The following DMD variants were observed in gnomAD, a reference collection of about 807,000 sequenced individuals.
DMD encodes the protein mutant dystrophin.
In DMD, 63 loss-of-function variants were observed where a neutral mutation model predicts 330.1. The observed-to-expected ratio is 0.19, with a 90% CI of 0.16 to 0.24. The LOEUF (loss-of-function observed/expected upper bound fraction) is 0.24. Ranked by LOEUF, DMD falls within the 10% of genes least tolerant of loss-of-function variation. The probability of loss-of-function intolerance (pLI) is 1.00; values close to 1 mark genes in which losing one functional copy is unlikely to be tolerated. For synonymous variants in DMD, 1,223 were observed against 959.8 expected, an observed-to-expected ratio of 1.27 and a Z score of -5.07; for missense variants, 3,344 against 2,684.1, an observed-to-expected ratio of 1.25 and a Z score of -5.43.
chrX:32,394,932 AAG>A (rs1431866060), intron 30 of DMD, among the ~76,000 whole-genome samples: 1 of 89,641 alleles, frequency 1.1e-5, no homozygotes, highest in Non-Finnish European at 2.2e-5. Flanking sequence ...AAAAAAAAAA[AAG>A]AAAAGAAATC....
At chrX:31,228,272 AAAT>A (rs2046856361) in intron 63 of DMD, among the ~76,000 whole-genome samples, 1 of 66,216 alleles carries the variant, frequency 1.5e-5, no homozygotes, top group African/African-American at 1.1e-4. Flanking sequence ...AAAAATAAAA[AAAT>A]AAAAAAAAAA....
chrX:32,243,320 G>C (rs1416246159), intron 43 of DMD, among the ~76,000 whole-genome samples: 1 of 111,530 alleles, frequency 9.0e-6, no homozygotes, highest in African/African-American at 3.3e-5. Flanking sequence ...GGTTTCACAT[G>C]ATGCTACAGT....
At chrX:32,512,798 G>C (rs1436406709) in intron 18 of DMD, among the ~76,000 whole-genome samples, 1 of 111,979 alleles carries the variant, frequency 8.9e-6, no homozygotes, top group Non-Finnish European at 1.9e-5. Flanking sequence ...CTATGGGGCT[G>C]TCTCTAAGAG....
intron 1 of DMD, among the ~76,000 whole-genome samples, chrX:33,027,325 G>A (rs1313153836): frequency 1.8e-5 from 2 of 111,675 alleles, no homozygotes; most frequent in African/African-American, 6.5e-5. Flanking sequence ...GCCAAATAAC[G>A]TGGGAATTCT....
chrX:32,783,549 T>C (rs987018328), intron 7 of DMD, among the ~76,000 whole-genome samples: 1 of 110,208 alleles, frequency 9.1e-6, no homozygotes, highest in South Asian at 3.8e-4. Context: ...AAGTAATCTG[T>C]ACTCAGAGCC....
intron 44 of DMD, among the ~76,000 whole-genome samples, chrX:32,047,353 C>G (rs1369667368): frequency 9.0e-6 from 1 of 111,239 alleles, no homozygotes; most frequent in Non-Finnish European, 1.9e-5. Context: ...AATACATTAT[C>G]TCTCCCATCC....
chrX:33,332,671 T>G (rs1358798940), intron 1 of DMD, among the ~76,000 whole-genome samples: 3 of 111,701 alleles, frequency 2.7e-5, no homozygotes, highest in Non-Finnish European at 5.7e-5. Flanking sequence ...ACAATTCAAA[T>G]GTGATGTGTC....
Position 32,472,226 on chromosome X carries a change from A to G in DMD, c.2887T>C (p.Ser963Pro), listed in dbSNP as rs1487164655. 1 of 1,209,124 alleles carries G rather than the reference A, an allele frequency of 8.3e-7. No homozygotes were observed. The highest frequency in any genetic ancestry group is 1.1e-6 in the Non-Finnish European group (1 of 894,663). ...TWVQQSETKL[S>P]IPQLSVTDYE... ...TCGGTGACACTAAGTTGAGGTATGG[A>G]GAGTTTGGTTTCTGACTGCTGGACC... Residue 963 changes from serine to proline, a missense_variant, in exon 22 of 79, where the codon TCC (serine) becomes CCC (proline). Coordinates refer to ENST00000357033, the MANE Select transcript of DMD (RefSeq NM_004006.3).
intron 11 of DMD, among the ~76,000 whole-genome samples, chrX:32,623,526 GTAT>G (rs2058138032): frequency 9.6e-6 from 1 of 104,412 alleles, no homozygotes; most frequent in Non-Finnish European, 2.0e-5. Flanking sequence ...TATAATACTA[GTAT>G]TTTTTTTTTT....
Position 32,969,385 on chromosome X carries a change from T to C in DMD, c.93+50754A>G, listed in dbSNP as rs192604144. ...TATTTTATACATACATATATGCATG[T>C]ATACATACATATACATAAAACATGT... On this transcript the variant is annotated intron_variant, in intron 2 of 78. Transcript: ENST00000357033. 4.3e-3 allele frequency among the ~76,000 whole-genome samples: 400 copies of C among 93,062 alleles called. 40 individuals carry two copies. Among genetic ancestry groups the C allele is most frequent in the Non-Finnish European group, 6.5e-3 (321 of 49,120 alleles). 80.8% of individuals were successfully genotyped at this position (93,062 alleles called of 115,157 possible).
At chrX:31,563,154 T>C (rs1343742478) in intron 55 of DMD, among the ~76,000 whole-genome samples, 1 of 111,450 alleles carries the variant, frequency 9.0e-6, no homozygotes, top group Non-Finnish European at 1.9e-5. Context: ...AACCTCCGCC[T>C]CCTGGGTTCA....
intron 44 of DMD, among the ~76,000 whole-genome samples, chrX:31,994,060 C>T (rs1308635752): frequency 1.8e-5 from 2 of 111,281 alleles, no homozygotes; most frequent in East Asian, 5.7e-4. Flanking sequence ...ACCTGCTATT[C>T]CCTCCACAAG....
chrX:32,598,910 G>A (rs1273073768), intron 12 of DMD, among the ~76,000 whole-genome samples: 1 of 111,867 alleles, frequency 8.9e-6, no homozygotes, highest in East Asian at 2.8e-4. Flanking sequence ...AAATAAAGGA[G>A]TGGGGAAAGG....
intron 17 of DMD, among the ~76,000 whole-genome samples, chrX:32,535,920 A>C (rs976588306): frequency 1.8e-5 from 2 of 111,630 alleles, no homozygotes; most frequent in Non-Finnish European, 3.8e-5. Context: ...AGGCATGCAA[A>C]AATAAAGTCA....
chrX:32,656,921 AAT>A (rs1270596871), intron 9 of DMD, among the ~76,000 whole-genome samples: 9 of 111,340 alleles, frequency 8.1e-5, no homozygotes, highest in Admixed American at 9.6e-5. Context: ...CATAGTTTCA[AAT>A]ATATGTCTTC....
At chrX:33,262,870 A>C (rs1309748446) in intron 1 of DMD, among the ~76,000 whole-genome samples, 1 of 111,188 alleles carries the variant, frequency 9.0e-6, no homozygotes, top group Non-Finnish European at 1.9e-5. Context: ...AAATAGACCA[A>C]AAGTCAATTG....
intron 41 of DMD, among the ~76,000 whole-genome samples, chrX:32,314,757 C>T (rs2097577146): frequency 8.9e-6 from 1 of 111,766 alleles, no homozygotes; most frequent in Non-Finnish European, 1.9e-5. Context: ...CAAAAGAAGA[C>T]ATTTACGCGG....
At chrX:32,316,829 T>C (rs964217421) in intron 41 of DMD, among the ~76,000 whole-genome samples, 2 of 111,193 alleles carry the variant, frequency 1.8e-5, no homozygotes, top group African/African-American at 6.5e-5. Flanking sequence ...CTTAAAAGTA[T>C]AGCATTCCTA....
intron 2 of DMD, among the ~76,000 whole-genome samples, chrX:32,902,837 CTAAAT>C (rs1370739469): frequency 1.8e-5 from 2 of 110,067 alleles, no homozygotes; most frequent in Non-Finnish European, 3.8e-5. Context: ...GGGAAATTTT[CTAAAT>C]TAAAAACAAG....
Sources: gnomAD v4.1 joint callset for allele counts (sites outside exome capture counted in the v4.1 genomes callset) on GRCh38, gnomAD v4.1.1 for gene constraint, MANE v1.5 for transcripts, NCBI Gene and HGNC (gene_info 2026-07-23, HGNC 2026-07-21) for gene names.